Variants in ZNF469 observed in about 807,000 individuals in gnomAD.
ZNF469 encodes the protein zinc finger protein 469.
ZNF469 carries 1 observed loss-of-function variant against 1.0 expected under a neutral mutation model. The observed-to-expected ratio is 1.00, with a 90% CI of 0.35 to 4.73. The LOEUF (loss-of-function observed/expected upper bound fraction) is 4.73. ZNF469 is among the 30% of genes most tolerant of loss of function. The probability of loss-of-function intolerance (pLI) is 0.16; values close to 1 mark genes in which losing one functional copy is unlikely to be tolerated. For missense variants in ZNF469, 6,100 were observed against 5,356.3 expected, an observed-to-expected ratio of 1.14 and a Z score of -4.33; for synonymous variants, 2,703 against 2,363.4, an observed-to-expected ratio of 1.14 and a Z score of -4.17.
At chr16:88,282,991 C>T in the ZNF469 span, among the ~76,000 whole-genome samples, 1 of 152,204 alleles carries the variant, frequency 6.6e-6, no homozygotes, top group Admixed American at 6.5e-5. Flanking sequence ...AGGAGGACCC[C>T]AGCGATTCCC....
the ZNF469 span, among the ~76,000 whole-genome samples, chr16:88,339,769 CG>C: frequency 4.8e-5 from 3 of 62,538 alleles, no homozygotes; most frequent in Admixed American, 2.2e-4. Context: ...GGCAGGGGGA[CG>C]GGGGGACATG....
intron 1 of ZNF469, among the ~76,000 whole-genome samples, chr16:88,389,256 A>G (rs905262991): frequency 6.6e-6 from 1 of 152,208 alleles, no homozygotes; most frequent in Non-Finnish European, 1.5e-5. Flanking sequence ...CGTGGTTCCT[A>G]CATCCCGCTC....
the ZNF469 span, among the ~76,000 whole-genome samples, chr16:88,244,060 CATGGATGGATGA>C: frequency 1.5e-5 from 2 of 133,686 alleles, no homozygotes; most frequent in East Asian, 2.4e-4. Context: ...TGGATGAGTG[CATGGATGGATGA>C]ATGGATGGAT....
chr16:88,428,755 G>A lies in ZNF469; in HGVS notation c.1285G>A (p.Ala429Thr), dbSNP rs113937803. The A allele has an allele frequency of 0.028, 42,800 of 1,545,454 alleles. 984 individuals are homozygous for A. The highest frequency in any genetic ancestry group is 0.092 in the East Asian group (3,744 of 40,844). Residue 429 changes from alanine (A) to threonine (T), a missense_variant, in exon 3 of 3, where the codon GCC becomes ACC. Ala to Thr is a moderately conservative substitution (Grantham distance 58). Transcript: ENST00000565624. ...SPGPPDTELAAPGPPPARLPQ... is the reference protein window; with the variant it reads ...SPGPPDTELATPGPPPARLPQ... ...GGGGCCTCCGGACACCGAGCTGGCC[G>A]CCCCAGGGCCCCCACCCGCCAGGCT...
chr16:88,321,018 C>G, the ZNF469 span, among the ~76,000 whole-genome samples: 2 of 152,246 alleles, frequency 1.3e-5, no homozygotes, highest in African/African-American at 4.8e-5. Context: ...TCCGAGGCTG[C>G]CTTTCAGTAT....
chr16:88,113,970 C>T, the ZNF469 span, among the ~76,000 whole-genome samples: 1 of 152,126 alleles, frequency 6.6e-6, no homozygotes, highest in Non-Finnish European at 1.5e-5. Context: ...GGCTGTGGGC[C>T]GTGCGATGGG....
the ZNF469 span, among the ~76,000 whole-genome samples, chr16:88,265,722 G>C: frequency 6.6e-6 from 1 of 152,224 alleles, no homozygotes; most frequent in South Asian, 2.1e-4. Flanking sequence ...GGAGCAGACG[G>C]GAGTGGGTTG....
At chr16:88,382,451 G>A (rs1599341295), upstream of ZNF469, among the ~76,000 whole-genome samples, 1 of 152,236 alleles carries the variant, frequency 6.6e-6, no homozygotes, top group African/African-American at 2.4e-5. Context: ...GACCCAGAGT[G>A]GAGACACGAA....
the ZNF469 span, among the ~76,000 whole-genome samples, chr16:88,261,830 G>A: frequency 6.6e-6 from 1 of 152,148 alleles, no homozygotes; most frequent in Admixed American, 6.5e-5. This position sits in a 1 kb window ranked among gnomAD's most constrained non-coding sequence, Gnocchi z 6.0. Context: ...GGATCTTCAG[G>A]GTGAAGGCTC....
chr16:88,340,535 G>A, the ZNF469 span, among the ~76,000 whole-genome samples: 5 of 152,220 alleles, frequency 3.3e-5, no homozygotes, highest in African/African-American at 7.2e-5. Context: ...AGAAGTTCTC[G>A]AAGCTTTGAT....
the ZNF469 span, among the ~76,000 whole-genome samples, chr16:88,236,463 G>C: frequency 1.3e-5 from 2 of 152,250 alleles, no homozygotes; most frequent in African/African-American, 4.8e-5. Flanking sequence ...GGTATAAAGA[G>C]ACGTGTCCGA....
At chr16:88,414,266 G>A (rs775314121) in intron 1 of ZNF469, among the ~76,000 whole-genome samples, 22 of 152,234 alleles carry the variant, frequency 1.4e-4, no homozygotes, top group Non-Finnish European at 2.6e-4. Context: ...CACGGCCACA[G>A]ATCACGGCCA....
chr16:88,105,374 G>C, the ZNF469 span, among the ~76,000 whole-genome samples: 5 of 145,754 alleles, frequency 3.4e-5, no homozygotes, highest in African/African-American at 1.3e-4. Context: ...GTGCAATCTT[G>C]GCTCACTGCA....
rs754730500 is a variant in ZNF469 at position 88,433,168 on chromosome 16, C to A, written c.5698C>A (p.Pro1900Thr). ...GAGGTCCCAGGACCCAGCTTTGAGC[C>A]CCCCCATACGTCAGCTCCAGCTCCC... ...SRRSQDPALSPPIRQLQLPGP... is the reference protein window; with the variant it reads ...SRRSQDPALSTPIRQLQLPGP... The change falls in exon 3 of 3, where the codon CCC becomes ACC. Residue 1900 changes from proline to threonine, a missense_variant. Transcript: ENST00000565624. The A allele has an allele frequency of 2.5e-5, 39 of 1,549,810 alleles. No homozygotes were observed. The highest frequency in any genetic ancestry group is 9.8e-5 in the East Asian group (4 of 40,928).
chr16:88,238,869 G>C, the ZNF469 span, among the ~76,000 whole-genome samples: 1 of 152,208 alleles, frequency 6.6e-6, no homozygotes, highest in Non-Finnish European at 1.5e-5. Context: ...TACAGAACAT[G>C]CTTCTGAAAG....
At chr16:88,246,295 G>A in the ZNF469 span, among the ~76,000 whole-genome samples, 1 of 152,248 alleles carries the variant, frequency 6.6e-6, no homozygotes, top group African/African-American at 2.4e-5. Flanking sequence ...CTGTGCACCT[G>A]ATGTGTCAGG....
the ZNF469 span, among the ~76,000 whole-genome samples, chr16:88,216,037 C>G: frequency 2.0e-5 from 3 of 152,078 alleles, no homozygotes; most frequent in Non-Finnish European, 2.9e-5. Context: ...TTCCTTTTGC[C>G]CTAAGAACTC....
intron 1 of ZNF469, among the ~76,000 whole-genome samples, chr16:88,384,287 T>C (rs974292537): frequency 1.3e-5 from 2 of 152,160 alleles, no homozygotes; most frequent in Non-Finnish European, 2.9e-5. Context: ...CAAGAGCAAG[T>C]CTAGTTCCCT....
At chr16:88,163,648 GGATGGA>G in the ZNF469 span, among the ~76,000 whole-genome samples, 12 of 118,336 alleles carry the variant, frequency 1.0e-4, no homozygotes, top group Middle Eastern at 4.7e-3. Context: ...ATGGATGGAT[GGATGGA>G]TAGTTGGGTA....
Sources: allele counts gnomAD v4.1 joint callset (sites outside exome capture counted in the v4.1 genomes callset), GRCh38; gene constraint gnomAD v4.1.1; non-coding constraint Gnocchi (gnomAD v3.1); transcripts MANE v1.5; gene names NCBI Gene and HGNC (gene_info 2026-07-23, HGNC 2026-07-21).